The following ZNF44 variants were observed in gnomAD, a reference collection of about 807,000 sequenced individuals.
ZNF44 encodes zinc finger protein 44, also known as gonadotropin inducible transcription repressor-2.
A neutral mutation model predicts 11.7 loss-of-function variants in ZNF44; 9 were observed. The observed-to-expected ratio is 0.77, with a 90% CI of 0.46 to 1.35. The LOEUF (loss-of-function observed/expected upper bound fraction) is 1.35. Ranked by LOEUF, ZNF44 falls within the 40% of genes most tolerant of loss-of-function variation. ZNF44 has a pLI of 0.00. For synonymous variants in ZNF44, 224 were observed against 242.7 expected, an observed-to-expected ratio of 0.92 and a Z score of 0.72; for missense variants, 696 against 743.1, an observed-to-expected ratio of 0.94 and a Z score of 0.74.
rs529721181 is a variant in ZNF44 at position 12,231,576 on chromosome 19, C to T, written n.381-1061G>A. Among the ~76,000 whole-genome samples, 88 of 152,244 alleles carry T rather than the reference C, an allele frequency of 5.8e-4. 2 individuals carry two copies. The South Asian group carries it at 0.018, about 31-fold the overall frequency. ...GTCAAAGGGCACTCCATCCTTGATG[C>T]AGTGGAAATGGGGAAATGGAGGTGA... On this transcript the variant is annotated intron_variant and non_coding_transcript_variant, in intron 2 of 3. Transcript: ENST00000597563.
At chr19:12,234,417 C>T (rs908300544) in intron 2 of ZNF44, among the ~76,000 whole-genome samples, 1 of 152,192 alleles carries the variant, frequency 6.6e-6, no homozygotes, top group African/African-American at 2.4e-5. Flanking sequence ...TTAGATTTCT[C>T]CCAGGCTTTT....
At chr19:12,231,207 T>C (rs776621783) in intron 2 of ZNF44, among the ~76,000 whole-genome samples, 7 of 152,146 alleles carry the variant, frequency 4.6e-5, no homozygotes, top group Non-Finnish European at 8.8e-5. Context: ...ACTGAGGTTA[T>C]GTCCTGTGTG....
intron 2 of ZNF44, among the ~76,000 whole-genome samples, chr19:12,231,928 G>A (rs2438540): frequency 0.056 from 8,529 of 152,190 alleles, 793 homozygotes; most frequent in African/African-American, 0.2. Flanking sequence ...TATAGAGAAA[G>A]AAATAGGGAG....
At chr19:12,253,761 G>A (rs1009389892) in intron 5 of ZNF44, among the ~76,000 whole-genome samples, 3 of 151,784 alleles carry the variant, frequency 2.0e-5, no homozygotes, top group East Asian at 3.9e-4. Flanking sequence ...TAGGGGGATC[G>A]CTTGAAGCCA....
downstream of ZNF44, among the ~76,000 whole-genome samples, chr19:12,270,427 T>A (rs1446031095): frequency 6.6e-6 from 1 of 151,728 alleles, no homozygotes; most frequent in Non-Finnish European, 1.5e-5. Flanking sequence ...ATCAAGCAGA[T>A]TAAGGCAATT....
chr19:12,259,259 GCA>G (rs1917398106), intron 5 of ZNF44, among the ~76,000 whole-genome samples: 2 of 152,236 alleles, frequency 1.3e-5, no homozygotes, highest in South Asian at 4.2e-4. Flanking sequence ...CTAAGGAGAG[GCA>G]CAGGGATTTC....
intron 1 of ZNF44, among the ~76,000 whole-genome samples, chr19:12,291,993 G>GAAAAA (rs770161207): frequency 1.1e-5 from 1 of 94,504 alleles, no homozygotes; most frequent in Non-Finnish European, 2.2e-5. Flanking sequence ...CTCCATCTCA[G>GAAAAA]AAAAAAAAAA....
chr19:12,249,112 C>T (rs1224032123), intron 7 of ZNF44, among the ~76,000 whole-genome samples: 1 of 151,994 alleles, frequency 6.6e-6, no homozygotes, highest in Non-Finnish European at 1.5e-5. Context: ...TGGTCTTGAA[C>T]TCCTGACCTC....
chr19:12,254,714 G>A (rs1193707676), intron 5 of ZNF44, among the ~76,000 whole-genome samples: 2 of 151,682 alleles, frequency 1.3e-5, no homozygotes, highest in Admixed American at 6.6e-5. Context: ...CAGCCTGGGC[G>A]ACAGAGCGAG....
chr19:12,262,959 A>G (rs1027224255), intron 5 of ZNF44, among the ~76,000 whole-genome samples: 5 of 152,196 alleles, frequency 3.3e-5, no homozygotes, highest in African/African-American at 1.2e-4. Context: ...ATCCACACAC[A>G]GAAGGTCAAA....
At chr19:12,247,730 A>G (rs781319609) in exon 8 of ZNF44, 1 of 1,340,062 alleles carries the variant, frequency 7.5e-7, no homozygotes, top group East Asian at 4.8e-5. Flanking sequence ...CATGTCTTTG[A>G]GCTGAGTAGT....
chr19:12,276,274 A>G (rs972485089), intron 1 of ZNF44, 192 bp from the exon 2 acceptor site: 26 of 809,408 alleles, frequency 3.2e-5, no homozygotes, highest in African/African-American at 2.1e-4. Flanking sequence ...TGGGCTTGCT[A>G]AAATAACAGT....
chr19:12,286,463 G>A (rs139241215), intron 1 of ZNF44, among the ~76,000 whole-genome samples: 97 of 150,696 alleles, frequency 6.4e-4, no homozygotes, highest in African/African-American at 2.2e-3. Flanking sequence ...ATGAAACCCC[G>A]TCTCTACTAA....
intron 5 of ZNF44, among the ~76,000 whole-genome samples, chr19:12,257,839 T>C (rs1313546238): frequency 6.9e-6 from 1 of 144,636 alleles, no homozygotes; most frequent in Admixed American, 6.9e-5. Flanking sequence ...GGCATTGTGG[T>C]GCACGCCTGT....
At chr19:12,293,040 T>G (rs1968084807) in intron 1 of ZNF44, among the ~76,000 whole-genome samples, 1 of 151,994 alleles carries the variant, frequency 6.6e-6, no homozygotes, top group Admixed American at 6.6e-5. Context: ...CGGCTAATTT[T>G]TGTATTTTCA....
intron 5 of ZNF44, among the ~76,000 whole-genome samples, chr19:12,262,967 A>G (rs1450233537): frequency 6.6e-6 from 1 of 152,200 alleles, no homozygotes; most frequent in African/African-American, 2.4e-5. Flanking sequence ...ACAGAAGGTC[A>G]AACACCCTAA....
intron 1 of ZNF44, among the ~76,000 whole-genome samples, 200 bp downstream of exon 1, chr19:12,294,492 G>C (rs1009836847): frequency 4.6e-5 from 7 of 152,216 alleles, no homozygotes; most frequent in Admixed American, 1.3e-4. Flanking sequence ...CTCAGGGACG[G>C]GACAGGACGC....
chr19:12,274,810 T>C (rs1967143823), intron 3 of ZNF44, among the ~76,000 whole-genome samples, 163 bp downstream of exon 3: 1 of 152,124 alleles, frequency 6.6e-6, no homozygotes, highest in African/African-American at 2.4e-5. Flanking sequence ...CATTTAATAA[T>C]ATATTTATGT....
intron 3 of ZNF44, among the ~76,000 whole-genome samples, chr19:12,229,553 T>C (rs1916068103): frequency 6.6e-6 from 1 of 152,136 alleles, no homozygotes; most frequent in Non-Finnish European, 1.5e-5. Context: ...GAGAAGCCTT[T>C]TGAATATACT....
Sources: allele counts gnomAD v4.1 joint callset (sites outside exome capture counted in the v4.1 genomes callset), GRCh38; gene constraint gnomAD v4.1.1; transcripts MANE v1.5; gene names NCBI Gene and HGNC (gene_info 2026-07-23, HGNC 2026-07-21).